Variants in LHFPL2 observed in about 807,000 individuals in gnomAD.
LHFPL2 encodes the protein LHFPL tetraspan subfamily member 2 protein.
Under a neutral mutation model 17.5 loss-of-function variants are expected in LHFPL2, and 7 were observed. The ratio of observed to expected loss-of-function variants is 0.40; its 90% CI spans 0.23 to 0.75. The LOEUF (loss-of-function observed/expected upper bound fraction) is 0.75, where lower values mean the gene tolerates loss of function less well. Among genes scored for constraint, LHFPL2 ranks in the 30% least tolerant of loss-of-function variants. The pLI is 0.37. For synonymous variants in LHFPL2, 134 were observed against 116.2 expected (o/e 1.15, Z -0.99); for missense variants, 241 against 294.8 (o/e 0.82, Z 1.34).
intron 2 of LHFPL2, among the ~76,000 whole-genome samples, chr5:78,631,935 C>CAAAA (rs35424661): frequency 0.018 from 1,884 of 104,498 alleles, 60 homozygotes; most frequent in African/African-American, 0.061. Context: ...GACTCCATCT[C>CAAAA]AAAAAAAAAA....
In LHFPL2 at chr5:78,648,280, C is replaced by T. The variant is rs1285228735; in HGVS notation, c.-350+219G>A. 6.6e-6 allele frequency among the ~76,000 whole-genome samples: 1 copy of T among 152,106 alleles called. No homozygotes were observed. The highest frequency in any genetic ancestry group is 1.5e-5 in the Non-Finnish European group (1 of 67,984). ...GGCGCTGAGAAGCAGCTGTTCCCTT[C>T]CCATTCCCAGCACCCAACGCCCATC... is the stretch of plus-strand genomic sequence containing the variant. On this transcript the variant is annotated intron_variant, in intron 1 of 4. Transcript: ENST00000380345. This position sits in a 1 kb window ranked among gnomAD's most constrained non-coding sequence, Gnocchi z 5.4.
At chr5:78,492,001 A>C (rs1316622080) in intron 4 of LHFPL2, among the ~76,000 whole-genome samples, 1 of 152,222 alleles carries the variant, frequency 6.6e-6, no homozygotes, top group Non-Finnish European at 1.5e-5. Context: ...AATATTTCTA[A>C]GGCCTATGAT....
chr5:78,609,475 A>AAAAAAAAAAAAAAAAAAG (rs1744341210), intron 2 of LHFPL2, among the ~76,000 whole-genome samples: 1 of 144,090 alleles, frequency 6.9e-6, no homozygotes, highest in African/African-American at 2.9e-5. Flanking sequence ...AAAAAAAAAA[A>AAAAAAAAAAAAAAAAAAG]AGAGAGAGAG....
chr5:78,567,489 G>C (rs1038184694), intron 2 of LHFPL2, among the ~76,000 whole-genome samples: 2 of 152,030 alleles, frequency 1.3e-5, no homozygotes, highest in African/African-American at 4.8e-5. Context: ...CTATGTATTA[G>C]AACAGTGTCT....
At chr5:78,554,235 C>T (rs1756517968) in intron 3 of LHFPL2, among the ~76,000 whole-genome samples, 1 of 152,272 alleles carries the variant, frequency 6.6e-6, no homozygotes, top group African/African-American at 2.4e-5. Flanking sequence ...CCTGCACACG[C>T]TTACAGCGAG....
At position 78,510,286 on chromosome 5, in the gene LHFPL2, AGGCTCGGGC is replaced by A; in HGVS notation, c.-82_-74del. The A allele has an allele frequency of 1.4e-6, 2 of 1,417,918 alleles. No homozygotes were observed. The highest frequency in any genetic ancestry group is 1.9e-6 in the Non-Finnish European group (2 of 1,059,300). 87.8% of individuals were successfully genotyped at this position (1,417,918 alleles called of 1,614,324 possible). ...AAAACAAGAAAGTCGGTGGGGAAGG[AGGCTCGGGC>A]GGCCCGGGAAGGAAGTCGCAGCTGC... On this transcript the variant is annotated 5_prime_UTR_variant, in exon 4 of 5. Coordinates refer to ENST00000380345, the MANE Select transcript of LHFPL2 (RefSeq NM_005779.3).
At chr5:78,533,959 T>C (rs1333539270) in intron 3 of LHFPL2, among the ~76,000 whole-genome samples, 1 of 152,186 alleles carries the variant, frequency 6.6e-6, no homozygotes, top group Non-Finnish European at 1.5e-5. Flanking sequence ...CCAGCAGAGA[T>C]GCCAAATGCT....
intron 3 of LHFPL2, among the ~76,000 whole-genome samples, chr5:78,518,452 T>A (rs1006975577): frequency 8.5e-5 from 13 of 152,224 alleles, no homozygotes; most frequent in African/African-American, 3.1e-4. Flanking sequence ...ATTTATTAAC[T>A]AGAGGAAATC....
At chr5:78,587,803 G>A (rs976090453) in intron 2 of LHFPL2, among the ~76,000 whole-genome samples, 1 of 152,212 alleles carries the variant, frequency 6.6e-6, no homozygotes, top group African/African-American at 2.4e-5. Context: ...GGTGGCCCAA[G>A]CCCTCTTTAT....
At chr5:78,588,400 A>C (rs531553120) in intron 2 of LHFPL2, among the ~76,000 whole-genome samples, 1 of 152,324 alleles carries the variant, frequency 6.6e-6, no homozygotes, top group East Asian at 1.9e-4. Flanking sequence ...TCTATCTTTC[A>C]TTCTATAAAC....
intron 2 of LHFPL2, among the ~76,000 whole-genome samples, chr5:78,607,448 G>A (rs961056701): frequency 3.9e-5 from 6 of 152,138 alleles, no homozygotes; most frequent in Non-Finnish European, 7.3e-5. Flanking sequence ...TTTGTATTTC[G>A]CCATTCTGAC....
At chr5:78,544,760 CACACACACACGTAT>C (rs1328671037) in intron 3 of LHFPL2, among the ~76,000 whole-genome samples, 4 of 151,716 alleles carry the variant, frequency 2.6e-5, no homozygotes, top group Admixed American at 2.0e-4. Context: ...CTTACACACA[CACACACACACGTAT>C]ACACACACAC....
chr5:78,593,509 A>G (rs1423063131), intron 2 of LHFPL2, among the ~76,000 whole-genome samples: 4 of 152,180 alleles, frequency 2.6e-5, no homozygotes, highest in Non-Finnish European at 4.4e-5. Flanking sequence ...AATGCTCCAT[A>G]AGGTCCTCAC....
intron 1 of LHFPL2, among the ~76,000 whole-genome samples, chr5:78,645,750 T>C (rs1745853087): frequency 6.6e-6 from 1 of 152,104 alleles, no homozygotes; most frequent in Non-Finnish European, 1.5e-5. Context: ...ACCCGGCTAA[T>C]TTTTGTCTTT....
intron 3 of LHFPL2, among the ~76,000 whole-genome samples, chr5:78,511,450 G>C (rs1003216443): frequency 6.6e-6 from 1 of 152,214 alleles, no homozygotes; most frequent in Non-Finnish European, 1.5e-5. Context: ...AGCAGGGCTG[G>C]TTTGCAGCCC....
At chr5:78,574,004 T>G (rs2112430339) in intron 2 of LHFPL2, among the ~76,000 whole-genome samples, 1 of 152,274 alleles carries the variant, frequency 6.6e-6, no homozygotes, top group African/African-American at 2.4e-5. Flanking sequence ...GGAAACAAAT[T>G]GTAACTAAAT....
chr5:78,585,477 G>A (rs1743350023), intron 2 of LHFPL2, among the ~76,000 whole-genome samples: 2 of 152,300 alleles, frequency 1.3e-5, no homozygotes, highest in East Asian at 3.9e-4. Context: ...CACGCACAGT[G>A]TGTGCACCCA....
chr5:78,583,399 A>C (rs1449685397), intron 2 of LHFPL2, among the ~76,000 whole-genome samples: 1 of 151,360 alleles, frequency 6.6e-6, no homozygotes, highest in Non-Finnish European at 1.5e-5. Context: ...ACATTTTGGC[A>C]TGATTTTGCA....
At chr5:78,509,760 G>A in intron 4 of LHFPL2, 24 bp downstream of exon 4, 6 of 1,596,828 alleles carry the variant, frequency 3.8e-6, no homozygotes, top group South Asian at 3.4e-5. Context: ...CCATCCCACC[G>A]TGCCCGGGGT....
Sources: allele counts gnomAD v4.1 joint callset (sites outside exome capture counted in the v4.1 genomes callset), GRCh38; gene constraint gnomAD v4.1.1; non-coding constraint Gnocchi (gnomAD v3.1); transcripts MANE v1.5; gene names NCBI Gene and HGNC (gene_info 2026-07-23, HGNC 2026-07-21).